CRAMP1: variants seen among roughly 807,000 people sequenced by gnomAD.
CRAMP1 encodes cramped chromatin regulator 1.
Under a neutral mutation model 115.4 loss-of-function variants are expected in CRAMP1, and 50 were observed. The observed-to-expected ratio is 0.43, with a 90% CI of 0.35 to 0.55. The LOEUF is 0.55. CRAMP1 is among the 20% of genes least tolerant of loss of function. The pLI is 0.01. For synonymous variants in CRAMP1, 866 were observed against 745.4 expected (o/e 1.16, Z -2.64); for missense variants, 1,679 against 1,721.7 (o/e 0.98, Z 0.44).
intron 8 of CRAMP1, among the ~76,000 whole-genome samples, chr16:1,653,906 C>G (rs1025146792): frequency 1.3e-5 from 2 of 151,276 alleles, no homozygotes; most frequent in African/African-American, 4.9e-5. Context: ...CTTTGGGAGG[C>G]CAAGGCAGGT....
chr16:1,654,186 T>G (rs894011393), intron 8 of CRAMP1, among the ~76,000 whole-genome samples: 1 of 150,846 alleles, frequency 6.6e-6, no homozygotes, highest in Non-Finnish European at 1.5e-5. Flanking sequence ...TCACATATCA[T>G]AAAATGAACT....
intron 6 of CRAMP1, among the ~76,000 whole-genome samples, chr16:1,652,046 TGA>T (rs1192774599): frequency 2.6e-5 from 4 of 151,740 alleles, no homozygotes; most frequent in Admixed American, 2.6e-4. Flanking sequence ...GGAGGTGGAC[TGA>T]GAGGTCACGG....
intron 6 of CRAMP1, among the ~76,000 whole-genome samples, chr16:1,643,439 G>A (rs2036648780): frequency 6.6e-6 from 1 of 152,118 alleles, no homozygotes; most frequent in South Asian, 2.1e-4. Context: ...TACTTGGGAG[G>A]CTGAGGCAGG....
intron 13 of CRAMP1, among the ~76,000 whole-genome samples, chr16:1,663,490 G>T (rs1022026673): frequency 1.3e-5 from 2 of 152,142 alleles, no homozygotes; most frequent in Admixed American, 1.3e-4. Flanking sequence ...TAAATCTTAG[G>T]TGTTCTTTGT....
At chr16:1,660,562 G>A (rs142151818) in intron 11 of CRAMP1, among the ~76,000 whole-genome samples, 3,267 of 152,228 alleles carry the variant, frequency 0.021, 54 homozygotes, top group Non-Finnish European at 0.034. Flanking sequence ...TTAAATTCAG[G>A]GATCATAAAT....
At chr16:1,612,789 G>T (rs909465539) in intron 1 of CRAMP1, among the ~76,000 whole-genome samples, 132 bp downstream of exon 1, 3 of 152,148 alleles carry the variant, frequency 2.0e-5, no homozygotes, top group Non-Finnish European at 4.4e-5. Flanking sequence ...CTCAGGGCGA[G>T]GAGGCTTCTG....
intron 6 of CRAMP1, among the ~76,000 whole-genome samples, chr16:1,641,935 C>G (rs558804115): frequency 6.6e-6 from 1 of 152,242 alleles, no homozygotes; most frequent in East Asian, 1.9e-4. Context: ...CCTGGGGGTT[C>G]CCAGTGCACA....
chr16:1,662,370 GGCAGCCGAACGGGTT>G, intron 11 of CRAMP1, 105 bp from the exon 12 acceptor site: 1 of 758,096 alleles, frequency 1.3e-6, no homozygotes, highest in South Asian at 1.7e-5. Context: ...CTCCTTTCAA[GGCAGCCGAACGGGTT>G]GCCAAGAGAA....
chr16:1,615,086 C>T, intron 2 of CRAMP1, 101 bp downstream of exon 2: 1 of 656,868 alleles, frequency 1.5e-6, no homozygotes, highest in Non-Finnish European at 2.1e-6. Context: ...CTAGCTCACC[C>T]ATCCCGCGGC....
rs1003723078 is a variant in CRAMP1, at chr16:1,669,361, C to T, written c.3499+196C>T. Among the ~76,000 whole-genome samples, 3 of 152,158 alleles carry T rather than the reference C, an allele frequency of 2.0e-5. No homozygotes were observed. The highest frequency in any genetic ancestry group is 4.4e-5 in the Non-Finnish European group (3 of 68,022). ...GGAAAATGTACACATTTTTAGTGTA[C>T]AGTTCACCAAGCTTTGGCAAGCATG... On this transcript the variant is annotated intron_variant, in intron 19 of 20. Coordinates refer to ENST00000397412, the MANE Select transcript of CRAMP1 (RefSeq NM_020825.4). The surrounding 1 kb of genome is among the most constrained non-coding windows in gnomAD (Gnocchi z 4.6).
chr16:1,619,485 A>G (rs990361490), intron 2 of CRAMP1, among the ~76,000 whole-genome samples: 4 of 152,190 alleles, frequency 2.6e-5, no homozygotes, highest in African/African-American at 4.8e-5. Context: ...CCGGCACAAC[A>G]GCGTTTTTAA....
At chr16:1,613,722 G>A (rs767904957) in intron 1 of CRAMP1, among the ~76,000 whole-genome samples, 14 of 152,198 alleles carry the variant, frequency 9.2e-5, no homozygotes, top group Non-Finnish European at 2.9e-5. Context: ...TTGTTGCCAA[G>A]AGTTTTAACA....
intron 20 of CRAMP1, 44 bp downstream of exon 20, chr16:1,670,853 G>A (rs370841431): frequency 1.0e-5 from 16 of 1,601,616 alleles, no homozygotes; most frequent in South Asian, 7.8e-5. Flanking sequence ...ACCAACCCTC[G>A]TGCCAGAGGT....
rs1396386487 is a variant in CRAMP1, at chr16:1,676,239, C to T, written c.*2194C>T. On this transcript the variant is annotated 3_prime_UTR_variant, in exon 21 of 21. Coordinates refer to ENST00000397412, the MANE Select transcript of CRAMP1 (RefSeq NM_020825.4). Reference sequence around the variant, plus strand: ...CTACCACTTGGTTCTCCAGCGTAGACTCCTGGGAGCAGCCAACTGCAGCCA... The same window carrying T: ...CTACCACTTGGTTCTCCAGCGTAGATTCCTGGGAGCAGCCAACTGCAGCCA... 6.6e-6 allele frequency: 1 copy of T among 152,332 alleles called. No homozygotes were observed. Among genetic ancestry groups the T allele is most frequent in the Non-Finnish European group, 1.5e-5 (1 of 68,082 alleles). The allele number at this position is 152,332 out of a possible 1,614,324, so 9.4% of individuals were successfully genotyped here. A position where few individuals can be genotyped will look rare whatever the true frequency, so the allele number is the denominator to read the frequency against.
At chr16:1,627,437 T>TG (rs2036516740) in intron 3 of CRAMP1, among the ~76,000 whole-genome samples, 2 of 152,126 alleles carry the variant, frequency 1.3e-5, no homozygotes, top group Admixed American at 6.5e-5. Context: ...GCTAATTAAT[T>TG]GGGGTGATGG....
chr16:1,662,313 GAGA>G (rs369206852), intron 11 of CRAMP1, 174 bp from the exon 12 acceptor site: 91 of 598,170 alleles, frequency 1.5e-4, no homozygotes, highest in African/African-American at 1.3e-3. Context: ...GAATTTCAGT[GAGA>G]AGGATAGAAA....
At chr16:1,622,826 A>C (rs1467000542) in intron 2 of CRAMP1, among the ~76,000 whole-genome samples, 1 of 147,220 alleles carries the variant, frequency 6.8e-6, no homozygotes, top group African/African-American at 2.5e-5. Context: ...CAGTGGCTAG[A>C]TCTCAGCTCA....
chr16:1,649,582 T>G (rs1483455780), intron 6 of CRAMP1, among the ~76,000 whole-genome samples: 3 of 152,078 alleles, frequency 2.0e-5, no homozygotes, highest in Non-Finnish European at 4.4e-5. Flanking sequence ...CTCCGCCTCC[T>G]GGGTTCACAC....
intron 6 of CRAMP1, among the ~76,000 whole-genome samples, chr16:1,651,448 G>A (rs551456053): frequency 6.7e-6 from 1 of 148,744 alleles, no homozygotes; most frequent in East Asian, 2.0e-4. Context: ...GTCACACAGA[G>A]GTCATGTTGA....
Sources: allele counts gnomAD v4.1 joint callset (sites outside exome capture counted in the v4.1 genomes callset), GRCh38; gene constraint gnomAD v4.1.1; non-coding constraint Gnocchi (gnomAD v3.1); transcripts MANE v1.5; gene names NCBI Gene and HGNC (gene_info 2026-07-23, HGNC 2026-07-21).